The following WDR37 variants were observed in gnomAD, a reference collection of about 807,000 sequenced individuals.
WDR37 encodes WD repeat domain 37.
WDR37 carries 19 observed loss-of-function variants against 62.9 expected under a neutral mutation model. The ratio of observed to expected loss-of-function variants is 0.30; its 90% CI spans 0.21 to 0.44. WDR37 has a LOEUF of 0.44. Among genes scored for constraint, WDR37 ranks in the 20% least tolerant of loss-of-function variants. The pLI is 1.00. For missense variants in WDR37, 474 were observed against 657.6 expected (o/e 0.72, Z 3.05); for synonymous variants, 250 against 260.9 (o/e 0.96, Z 0.40).
At chr10:1,127,868 G>T (rs954352546) in intron 13 of WDR37, among the ~76,000 whole-genome samples, 1 of 152,232 alleles carries the variant, frequency 6.6e-6, no homozygotes, top group Non-Finnish European at 1.5e-5. Flanking sequence ...TGCTGTGGGC[G>T]CATGAGAGAT....
intron 11 of WDR37, among the ~76,000 whole-genome samples, chr10:1,114,574 A>G (rs1017132655): frequency 1.3e-5 from 2 of 152,294 alleles, no homozygotes; most frequent in East Asian, 1.9e-4. Context: ...TGGTGTGGCT[A>G]TGGCTTCTGT....
chr10:1,101,860 C>T (rs2131658414), intron 9 of WDR37, among the ~76,000 whole-genome samples: 1 of 152,304 alleles, frequency 6.6e-6, no homozygotes, highest in South Asian at 2.1e-4. Context: ...TGAAATAGCG[C>T]CCCCATCCAG....
chr10:1,090,621 C>T (rs966379774), intron 7 of WDR37, among the ~76,000 whole-genome samples: 15 of 151,870 alleles, frequency 9.9e-5, no homozygotes, highest in South Asian at 2.1e-4. Flanking sequence ...GCAGACTCCC[C>T]GCTCTGGCCC....
chr10:1,064,426 A>G (rs1833473378), intron 1 of WDR37, among the ~76,000 whole-genome samples: 2 of 152,248 alleles, frequency 1.3e-5, no homozygotes, highest in South Asian at 4.1e-4. Flanking sequence ...TTGGCAAGCC[A>G]TACACCTTCA....
At chr10:1,058,766 T>C (rs1179962765) in intron 1 of WDR37, among the ~76,000 whole-genome samples, 1 of 152,246 alleles carries the variant, frequency 6.6e-6, no homozygotes, top group Non-Finnish European at 1.5e-5. Context: ...TGCTCAGAAG[T>C]TGAATTTGGT....
intron 11 of WDR37, 182 bp from the exon 12 acceptor site, chr10:1,124,036 A>G (rs1427752921): frequency 4.5e-6 from 3 of 667,998 alleles, no homozygotes; most frequent in African/African-American, 3.6e-5. Context: ...GGAAGAAATC[A>G]GTTGTCCTTT....
At chr10:1,111,029 C>A (rs1160717990) in intron 11 of WDR37, among the ~76,000 whole-genome samples, 4 of 152,182 alleles carry the variant, frequency 2.6e-5, no homozygotes, top group Non-Finnish European at 5.9e-5. Flanking sequence ...GTTTGCTGTT[C>A]TTGTTGATGT....
intron 2 of WDR37, among the ~76,000 whole-genome samples, chr10:1,075,868 C>G (rs1833864806): frequency 6.6e-6 from 1 of 151,944 alleles, no homozygotes; most frequent in South Asian, 2.1e-4. Flanking sequence ...CAACCTCTAC[C>G]TCCTGGGTTC....
At chr10:1,101,025 C>CGA (rs1834778043) in intron 9 of WDR37, among the ~76,000 whole-genome samples, 1 of 152,234 alleles carries the variant, frequency 6.6e-6, no homozygotes, top group Non-Finnish European at 1.5e-5. Context: ...GACCAAACAC[C>CGA]TTTCCACCGT....
In WDR37 at chr10:1,089,909, C is replaced by T. The variant is rs143420061; in HGVS notation, c.605-3543C>T. 4.6e-3 allele frequency among the ~76,000 whole-genome samples: 703 copies of T among 152,268 alleles called. 4 individuals carry two copies. The highest frequency in any genetic ancestry group is 8.4e-3 in the Non-Finnish European group (569 of 68,020). ...GACGCCTGTGTTTCTGGCACGTTGT[C>T]GTGTTGCGTGTGTCTCTCCTCTTCC... On this transcript the variant is annotated intron_variant, in intron 7 of 13. Transcript: ENST00000263150.
At chr10:1,082,389 G>C (rs765842414) in intron 5 of WDR37, among the ~76,000 whole-genome samples, 11 of 152,208 alleles carry the variant, frequency 7.2e-5, no homozygotes, top group Non-Finnish European at 1.6e-4. Context: ...GGGGAGGGAA[G>C]TGAGGAAGTC....
chr10:1,126,405 C>CA (rs745441088), intron 13 of WDR37, among the ~76,000 whole-genome samples: 12,292 of 125,272 alleles, frequency 0.098, 700 homozygotes, highest in African/African-American at 0.14. Context: ...GACTGTGTCT[C>CA]AGAAAAAAAA....
At chr10:1,058,426 C>G (rs1320300838) in intron 1 of WDR37, among the ~76,000 whole-genome samples, 1 of 152,162 alleles carries the variant, frequency 6.6e-6, no homozygotes, top group African/African-American at 2.4e-5. Flanking sequence ...GGCATTTGCC[C>G]TGAACTAAAA....
intron 11 of WDR37, 49 bp from the exon 12 acceptor site, chr10:1,124,169 C>T (rs1419926237): frequency 6.2e-7 from 1 of 1,609,250 alleles, no homozygotes; most frequent in East Asian, 2.2e-5. Flanking sequence ...GGTGTGGTGT[C>T]ACGTCCTGCA....
chr10:1,122,018 G>A (rs1835596501), intron 11 of WDR37, among the ~76,000 whole-genome samples: 1 of 152,088 alleles, frequency 6.6e-6, no homozygotes, highest in Non-Finnish European at 1.5e-5. Flanking sequence ...CTCAGCTGGT[G>A]TCCACTAAAT....
rs769751561 is a variant in WDR37, at chr10:1,077,911, C to T, written c.143C>T (p.Ser48Phe). Residue 48 changes from serine (S) to phenylalanine (F), a missense_variant, in exon 3 of 14, where the codon TCT becomes TTT. Ser to Phe is a radical substitution (Grantham distance 155). Coordinates refer to ENST00000263150, the MANE Select transcript of WDR37 (RefSeq NM_014023.4). ...LPRDMLEGQD[S>F]KLPSSVRSTL... is the part of the protein sequence containing the mutation. ...AAACAAAGTCTTCTTCTGCAGGATTCTAAACTGCCTTCCTCGGTTCGCAGT... is the reference window on the plus strand; with the variant it reads ...AAACAAAGTCTTCTTCTGCAGGATTTTAAACTGCCTTCCTCGGTTCGCAGT... 1.9e-6 allele frequency: 3 copies of T among 1,609,408 alleles called. No homozygotes were observed. Among genetic ancestry groups the T allele is most frequent in the Non-Finnish European group, 2.5e-6 (3 of 1,178,300 alleles).
At chr10:1,084,647 C>A in intron 6 of WDR37, 109 bp downstream of exon 6, 1 of 1,491,262 alleles carries the variant, frequency 6.7e-7, no homozygotes, top group Non-Finnish European at 9.1e-7. Context: ...GCAAAAGCGT[C>A]ATGGAGGAGT....
At chr10:1,069,389 ATTTT>A (rs377212232) in intron 1 of WDR37, among the ~76,000 whole-genome samples, 1,406 of 95,756 alleles carry the variant, frequency 0.015, 39 homozygotes, top group Middle Eastern at 0.051. Flanking sequence ...ATATATATAT[ATTTT>A]TTTTTTTTTT....
At chr10:1,117,931 C>T (rs1835457872) in intron 11 of WDR37, among the ~76,000 whole-genome samples, 1 of 151,078 alleles carries the variant, frequency 6.6e-6, no homozygotes, top group South Asian at 2.1e-4. Flanking sequence ...CTCAGCCACC[C>T]TCAACCAGCT....
Sources: allele counts gnomAD v4.1 joint callset (sites outside exome capture counted in the v4.1 genomes callset), GRCh38; gene constraint gnomAD v4.1.1; transcripts MANE v1.5; gene names NCBI Gene and HGNC (gene_info 2026-07-23, HGNC 2026-07-21).